ITPR2: variants seen among roughly 807,000 people sequenced by gnomAD.
ITPR2 encodes inositol 1,4,5-trisphosphate receptor type 2.
Under a neutral mutation model 317.1 loss-of-function variants are expected in ITPR2, and 207 were observed. That is an observed-to-expected ratio of 0.65 (90% CI 0.58 to 0.73). ITPR2 has a LOEUF of 0.73. ITPR2 is among the 30% of genes least tolerant of loss of function. ITPR2 has a pLI of 0.00. For missense variants in ITPR2, 2,613 were observed against 3,284.0 expected (o/e 0.80, Z 4.99); for synonymous variants, 1,156 against 1,149.1 (o/e 1.01, Z -0.12).
At chr12:26,765,345 AT>A in intron 2 of ITPR2, among the ~76,000 whole-genome samples, 1 of 152,196 alleles carries the variant, frequency 6.6e-6, no homozygotes, top group South Asian at 2.1e-4. Flanking sequence ...ATTGTTTAAG[AT>A]CAGAATTCTT....
chr12:26,385,970 T>C (rs1219567790), intron 55 of ITPR2, among the ~76,000 whole-genome samples: 2 of 152,162 alleles, frequency 1.3e-5, no homozygotes, highest in Non-Finnish European at 2.9e-5. Flanking sequence ...AGAGGGGAAA[T>C]ATATCATACT....
intron 54 of ITPR2, among the ~76,000 whole-genome samples, chr12:26,389,685 C>T (rs992666483): frequency 2.0e-5 from 3 of 152,206 alleles, no homozygotes; most frequent in Non-Finnish European, 4.4e-5. Context: ...TGCTGACCTT[C>T]TTGATCACCT....
At chr12:26,442,626 G>C (rs995574281) in intron 46 of ITPR2, among the ~76,000 whole-genome samples, 5 of 152,022 alleles carry the variant, frequency 3.3e-5, no homozygotes, top group African/African-American at 7.2e-5. Context: ...AAATGTTTTT[G>C]CTGCTAGTCC....
chr12:26,500,785 G>A (rs1943055039), intron 37 of ITPR2, among the ~76,000 whole-genome samples: 1 of 152,002 alleles, frequency 6.6e-6, no homozygotes, highest in Non-Finnish European at 1.5e-5. Context: ...TGGATAGAAA[G>A]GATAATCAAA....
At chr12:26,418,255 T>A (rs1475036508) in intron 50 of ITPR2, among the ~76,000 whole-genome samples, 1 of 152,156 alleles carries the variant, frequency 6.6e-6, no homozygotes, top group Non-Finnish European at 1.5e-5. Flanking sequence ...GTTTAACTTG[T>A]TTTCAGGGAT....
chr12:26,680,764 C>T (rs957261491), intron 13 of ITPR2, among the ~76,000 whole-genome samples: 3 of 152,186 alleles, frequency 2.0e-5, no homozygotes, highest in South Asian at 4.1e-4. Context: ...CTCTATTCAA[C>T]TGGTGATGGA....
At chr12:26,685,060 T>G (rs1457676345) in intron 11 of ITPR2, among the ~76,000 whole-genome samples, 1 of 152,166 alleles carries the variant, frequency 6.6e-6, no homozygotes, top group Non-Finnish European at 1.5e-5. Flanking sequence ...ATAGTGTTAT[T>G]ATAGTAACTT....
At position 26,336,744 on chromosome 12, in the gene ITPR2, C is replaced by A. The variant is rs1937927037; in HGVS notation, c.*2653G>T. 1 of 152,084 alleles carries A rather than the reference C, an allele frequency of 6.6e-6. No individual in the cohort carries two copies. Among genetic ancestry groups the A allele is most frequent in the Non-Finnish European group, 1.5e-5 (1 of 67,990 alleles). The allele number at this position is 152,084 out of a possible 1,614,324, so 9.4% of individuals were successfully genotyped here. ...AAATAACTAAATATTTTTTCAAAAT[C>A]TCCCTTAACATCAAAGTTCAAGATG... On this transcript the variant is annotated 3_prime_UTR_variant, in exon 57 of 57. Transcript: ENST00000381340.
At chr12:26,404,716 C>T (rs1401735680) in intron 52 of ITPR2, among the ~76,000 whole-genome samples, 1 of 151,870 alleles carries the variant, frequency 6.6e-6, no homozygotes, top group Admixed American at 6.6e-5. Flanking sequence ...TGAATTGGGA[C>T]CTAAGATGTG....
intron 51 of ITPR2, among the ~76,000 whole-genome samples, chr12:26,412,786 T>C (rs1244734405): frequency 6.6e-6 from 1 of 152,072 alleles, no homozygotes; most frequent in Non-Finnish European, 1.5e-5. Context: ...GTACAATTTG[T>C]CTGACAAAAG....
chr12:26,580,416 T>C (rs1364301768), intron 32 of ITPR2, among the ~76,000 whole-genome samples: 1 of 152,204 alleles, frequency 6.6e-6, no homozygotes, highest in Non-Finnish European at 1.5e-5. Context: ...CTTTTTAATT[T>C]GCTTCTCCCT....
At chr12:26,600,408 C>T (rs1339482001) in intron 28 of ITPR2, among the ~76,000 whole-genome samples, 3 of 152,042 alleles carry the variant, frequency 2.0e-5, no homozygotes, top group Non-Finnish European at 2.9e-5. Flanking sequence ...CTGTCCACCA[C>T]GTTTCCTCAT....
Position 26,663,833 on chromosome 12 carries a change from AG to A in ITPR2, c.1564del (p.Ala524HisfsTer13). Reference protein sequence around the residue: ...QNILAQVFGILKAPFKEKAGE... With the variant: ...QNILAQVFGIXKAPFKEKAGE... The stretch of plus-strand genomic sequence containing the variant: ...TGCTTTCTCTTTAAAGGGTGCTTTA[AG>A]AATTCCAAATACCTATCAGGAATAA... On this transcript the variant is annotated frameshift_variant, in exon 15 of 57. Coordinates refer to ENST00000381340, the MANE Select transcript of ITPR2 (RefSeq NM_002223.4). LOFTEE classifies it high-confidence loss of function. 6.2e-7 allele frequency: 1 copy of A among 1,610,750 alleles called. No homozygotes were observed. Among genetic ancestry groups the A allele is most frequent in the Non-Finnish European group, 8.5e-7 (1 of 1,179,128 alleles).
chr12:26,599,486 A>C, intron 29 of ITPR2, 141 bp from the exon 30 acceptor site: 3 of 717,266 alleles, frequency 4.2e-6, no homozygotes, highest in Non-Finnish European at 6.9e-6. Context: ...GTCTTTCAAA[A>C]AATGCGATGA....
intron 37 of ITPR2, among the ~76,000 whole-genome samples, chr12:26,502,623 T>C (rs1943094814): frequency 6.6e-6 from 1 of 152,134 alleles, no homozygotes; most frequent in Admixed American, 6.5e-5. Flanking sequence ...CTTCAAGAGG[T>C]AATTTCAAAG....
In ITPR2 at chr12:26,574,958, C is replaced by T. The variant is rs73087286; in HGVS notation, c.4630+3755G>A. On this transcript the variant is annotated intron_variant, in intron 34 of 56. Transcript: ENST00000381340. ...ACCTCCCACCAGACCCCACCTCCAACGTCGGAATCCCATTTCCACATGAGA... is the reference window on the plus strand; with the variant it reads ...ACCTCCCACCAGACCCCACCTCCAATGTCGGAATCCCATTTCCACATGAGA... 6.3e-3 allele frequency among the ~76,000 whole-genome samples: 956 copies of T among 151,948 alleles called. 11 individuals carry two copies. The highest frequency in any genetic ancestry group is 0.032 in the Admixed American group (487 of 15,250).
intron 2 of ITPR2, among the ~76,000 whole-genome samples, chr12:26,771,538 G>A (rs376178529): frequency 2.0e-5 from 3 of 151,994 alleles, no homozygotes; most frequent in Non-Finnish European, 2.9e-5. Flanking sequence ...TTTTTGAAAC[G>A]GAGTCTCCCT....
Position 26,486,330 on chromosome 12 carries a change from C to T in ITPR2, c.5585G>A (p.Gly1862Glu), listed in dbSNP as rs1199802243. The T allele has an allele frequency of 3.7e-6, 6 of 1,612,672 alleles. No homozygotes were observed. Among genetic ancestry groups the T allele is most frequent in the Middle Eastern group, 1.6e-4 (1 of 6,080 alleles). Residue 1862 changes from glycine to glutamate, a missense_variant, in exon 41 of 57, where the codon GGA (glycine) becomes GAA (glutamate). Physicochemically the swap from Gly to Glu is moderately conservative, Grantham distance 98 (BLOSUM62 -2). Transcript: ENST00000381340. The part of the protein sequence containing the change: ...VRDSTLHLKE[G>E]MKGQLTEASS... ...AGCTTCTGTTAATTGCCCTTTCATTCCCTCTTTTAAATGTAGTGTTGAATC... is the reference window on the plus strand; with the variant it reads ...AGCTTCTGTTAATTGCCCTTTCATTTCCTCTTTTAAATGTAGTGTTGAATC...
Position 26,714,219 on chromosome 12 carries a change from A to G in ITPR2, c.855+1080T>C, listed in dbSNP as rs1182120284. On this transcript the variant is annotated intron_variant, in intron 8 of 56. Coordinates refer to ENST00000381340, the MANE Select transcript of ITPR2 (RefSeq NM_002223.4). ...TCTGCATCTCGTCGGTAATTTGCCT[A>G]AAGTATTATCCCTACTTTGATTATG... 2.6e-5 allele frequency among the ~76,000 whole-genome samples: 4 copies of G among 152,330 alleles called. No individual in the cohort carries two copies. The East Asian group carries it at 5.8e-4, about 22-fold the overall frequency.
Sources: allele counts gnomAD v4.1 joint callset (sites outside exome capture counted in the v4.1 genomes callset), GRCh38; gene constraint gnomAD v4.1.1; transcripts MANE v1.5; gene names NCBI Gene and HGNC (gene_info 2026-07-23, HGNC 2026-07-21).